Variants in CEMIP observed in about 807,000 individuals in gnomAD.
CEMIP encodes cell migration-inducing and hyaluronan-binding protein.
Under a neutral mutation model 156.9 loss-of-function variants are expected in CEMIP, and 105 were observed. That is an observed-to-expected ratio of 0.67 (90% CI 0.57 to 0.79). The LOEUF is 0.79. CEMIP is among the 30% of genes least tolerant of loss of function. The pLI is 0.00. For synonymous variants in CEMIP, 676 were observed against 668.4 expected (o/e 1.01, Z -0.17); for missense variants, 1,457 against 1,769.4 (o/e 0.82, Z 3.17).
Position 80,800,066 on chromosome 15 carries a change from C to T in CEMIP, c.-176+20452C>T, listed in dbSNP as rs548757783. Among the ~76,000 whole-genome samples, 309 of 57,354 alleles carry T rather than the reference C, an allele frequency of 5.4e-3. 1 individual carries two copies. Among genetic ancestry groups the T allele is most frequent in the African/African-American group, 0.02 (280 of 13,660 alleles). 37.6% of individuals were successfully genotyped at this position (57,354 alleles called of 152,430 possible). On this transcript the variant is annotated intron_variant, in intron 1 of 29. Transcript: ENST00000394685. The stretch of plus-strand genomic sequence containing the variant: ...GTGTGTGTGTGTGTGTGTGTGTAGA[C>T]GGGATCTCATCATCTTGCCCAGGTT...
intron 12 of CEMIP, chr15:80,900,717 G>A: frequency 3.1e-6 from 1 of 321,274 alleles, no homozygotes. Context: ...TTCTGGAGAG[G>A]CTCACATTCC....
chr15:80,908,387 T>C (rs916152801), intron 13 of CEMIP, among the ~76,000 whole-genome samples: 1 of 152,200 alleles, frequency 6.6e-6, no homozygotes, highest in Non-Finnish European at 1.5e-5. Flanking sequence ...ATGGTTAGCA[T>C]GCCAAGACTA....
chr15:80,907,712 C>T (rs920947708), intron 13 of CEMIP, among the ~76,000 whole-genome samples: 1 of 152,314 alleles, frequency 6.6e-6, no homozygotes, highest in Non-Finnish European at 1.5e-5. Flanking sequence ...CTGGTGCTTA[C>T]GTTTTCCTAG....
At chr15:80,797,840 C>T (rs1896272021) in intron 1 of CEMIP, among the ~76,000 whole-genome samples, 1 of 152,208 alleles carries the variant, frequency 6.6e-6, no homozygotes, top group Admixed American at 6.5e-5. Flanking sequence ...AACCCATCCT[C>T]ACTAGGAAGC....
intron 1 of CEMIP, among the ~76,000 whole-genome samples, chr15:80,868,127 A>T (rs1898181350): frequency 6.6e-6 from 1 of 152,166 alleles, no homozygotes; most frequent in Non-Finnish European, 1.5e-5. Context: ...GAGCCACGGC[A>T]TGGATTTAAG....
At chr15:80,821,147 C>G (rs1334525607) in intron 1 of CEMIP, among the ~76,000 whole-genome samples, 1 of 152,182 alleles carries the variant, frequency 6.6e-6, no homozygotes, top group Non-Finnish European at 1.5e-5. Context: ...CACATAATCT[C>G]ACGGGGAAAT....
At position 80,779,541 on chromosome 15, in the gene CEMIP, C is replaced by G. The variant is rs2141545927; in HGVS notation, c.-249C>G. ...CCGGGAGCTCGCGGCGCCTGGCGGT[C>G]AGCGACCAGACGTCCGGGGCCGCTG... On this transcript the variant is annotated 5_prime_UTR_variant, in exon 1 of 30. Coordinates refer to ENST00000394685, the MANE Select transcript of CEMIP (RefSeq NM_001293298.2). 1 of 152,350 alleles carries G rather than the reference C, an allele frequency of 6.6e-6. No homozygotes were observed. The highest frequency in any genetic ancestry group is 2.4e-5 in the African/African-American group (1 of 41,582). 9.4% of individuals were successfully genotyped at this position (152,350 alleles called of 1,614,324 possible).
At chr15:80,895,147 C>T in intron 11 of CEMIP, 25 bp downstream of exon 11, 2 of 1,613,990 alleles carry the variant, frequency 1.2e-6, no homozygotes, top group Non-Finnish European at 1.7e-6. Flanking sequence ...GTCGGGGACA[C>T]AGATGCAACT....
chr15:80,817,724 C>T (rs1041279487), intron 1 of CEMIP, among the ~76,000 whole-genome samples: 3 of 151,652 alleles, frequency 2.0e-5, no homozygotes, highest in Non-Finnish European at 2.9e-5. Flanking sequence ...CAAAGATGAG[C>T]GAGAACTGCA....
intron 1 of CEMIP, among the ~76,000 whole-genome samples, chr15:80,857,816 AG>A (rs1897889800): frequency 6.6e-6 from 1 of 152,250 alleles, no homozygotes; most frequent in African/African-American, 2.4e-5. Flanking sequence ...GAAAATAACC[AG>A]GATGCTACAA....
rs1276720672 is a variant in CEMIP, at chr15:80,895,056, T to C, written c.1153T>C (p.Phe385Leu). ...CTACAAAAAAGGCCAGGATTATAGG[T>C]TTGCTTGCTACGACCGGGGCAGAGC... ...VVYKKGQDYR[F>L]ACYDRGRACR... The change falls in exon 11 of 30, where the codon TTT becomes CTT. Residue 385 changes from phenylalanine to leucine, a missense_variant. Phe to Leu is a conservative substitution (Grantham distance 22, BLOSUM62 0). This residue lies in a region of CEMIP where 280 missense variants were observed against 300.3 expected (regional missense o/e 0.93). Coordinates refer to ENST00000394685, the MANE Select transcript of CEMIP (RefSeq NM_001293298.2). 3 of 1,614,138 alleles carry C rather than the reference T, an allele frequency of 1.9e-6. No individual in the cohort carries two copies. The South Asian group carries it at 3.3e-5, about 18-fold the overall frequency.
At chr15:80,844,230 CCT>C (rs919610359) in intron 1 of CEMIP, among the ~76,000 whole-genome samples, 1 of 152,236 alleles carries the variant, frequency 6.6e-6, no homozygotes, top group East Asian at 1.9e-4. Flanking sequence ...TGCCCCCACC[CCT>C]GTCGCGCCCT....
At chr15:80,882,997 G>A (rs1184584066) in intron 6 of CEMIP, among the ~76,000 whole-genome samples, 1 of 152,164 alleles carries the variant, frequency 6.6e-6, no homozygotes, top group African/African-American at 2.4e-5. Flanking sequence ...GGTCAGTGGA[G>A]GGTGCGAGGT....
Position 80,946,259 on chromosome 15 carries a change from G to A in CEMIP, c.3858-706G>A, listed in dbSNP as rs181550394. The A allele has an allele frequency of 5.2e-3, 798 of 152,820 alleles. 3 individuals carry two copies. The highest frequency in any genetic ancestry group is 9.2e-3 in the Admixed American group (142 of 15,354). 9.5% of individuals were successfully genotyped at this position (152,820 alleles called of 1,614,324 possible). On this transcript the variant is annotated intron_variant, in intron 28 of 29. Transcript: ENST00000394685. ...AGCCTGTGTCCATCAAAAGAAGACA[G>A]CAAAAGAAAGATGCGCTCCAAGAGA...
intron 1 of CEMIP, among the ~76,000 whole-genome samples, chr15:80,862,024 C>A (rs1249240302): frequency 6.6e-6 from 1 of 152,204 alleles, no homozygotes; most frequent in African/African-American, 2.4e-5. Flanking sequence ...AATAAAAAGG[C>A]TCATGGTGGG....
intron 1 of CEMIP, among the ~76,000 whole-genome samples, chr15:80,847,153 A>G (rs1897581946): frequency 6.6e-6 from 1 of 152,234 alleles, no homozygotes; most frequent in East Asian, 1.9e-4. Context: ...AGCTCAAGCC[A>G]TCCTCCCACC....
chr15:80,936,853 C>A lies in CEMIP; in HGVS notation c.3189C>A (p.Ala1063=). 6.2e-7 allele frequency: 1 copy of A among 1,614,192 alleles called. No individual in the cohort carries two copies. The highest frequency in any genetic ancestry group is 1.1e-5 in the South Asian group (1 of 91,082). ...TCCACTGGGACCAGACGGCCCCCGCCGAACTCGCCATCTGGCTCATCAACT... is the reference window on the plus strand; with the variant it reads ...TCCACTGGGACCAGACGGCCCCCGCAGAACTCGCCATCTGGCTCATCAACT... ...YTIHWDQTAP[A]ELAIWLINFN... is the part of the protein sequence containing the mutation. Residue 1063 remains alanine, a synonymous_variant, in exon 24 of 30, where the codon GCC becomes GCA. Transcript: ENST00000394685.
intron 1 of CEMIP, among the ~76,000 whole-genome samples, chr15:80,814,381 C>T (rs956254634): frequency 2.0e-5 from 3 of 152,150 alleles, no homozygotes; most frequent in Non-Finnish European, 2.9e-5. Context: ...GAGCAACCCA[C>T]GGCTTGGCCA....
chr15:80,897,733 TA>T (rs1215576059), intron 12 of CEMIP, among the ~76,000 whole-genome samples: 1 of 151,732 alleles, frequency 6.6e-6, no homozygotes. Context: ...GCAATGAGGG[TA>T]AAAAAGATGG....
Sources: allele counts gnomAD v4.1 joint callset (sites outside exome capture counted in the v4.1 genomes callset), GRCh38; gene constraint gnomAD v4.1.1; regional missense constraint gnomAD v4.1.1; transcripts MANE v1.5; gene names NCBI Gene and HGNC (gene_info 2026-07-23, HGNC 2026-07-21).